Variants in PCSK6 observed in about 807,000 individuals in gnomAD.
PCSK6 encodes the protein proprotein convertase subtilisin/kexin type 6.
A neutral mutation model predicts 123.3 loss-of-function variants in PCSK6; 85 were observed. That is an observed-to-expected ratio of 0.69 (90% CI 0.58 to 0.83). The LOEUF (loss-of-function observed/expected upper bound fraction) is 0.83. Ranked by LOEUF, PCSK6 falls within the 40% of genes least tolerant of loss-of-function variation. The pLI is 0.00. For missense variants in PCSK6, 1,191 were observed against 1,282.3 expected, an observed-to-expected ratio of 0.93 and a Z score of 1.09; for synonymous variants, 508 against 516.0, an observed-to-expected ratio of 0.98 and a Z score of 0.21.
At position 101,489,637 on chromosome 15, in the gene PCSK6, G is replaced by GGGGCCC. The variant is rs2058127836; in HGVS notation, c.28_33dup (p.Gly10_Pro11dup). The GGGGCCC allele has an allele frequency of 6.1e-6, 6 of 975,872 alleles. 1 individual carries two copies. The highest frequency in any genetic ancestry group is 9.3e-5 in the South Asian group (2 of 21,436). The allele number at this position is 975,872 out of a possible 1,614,324, so 60.5% of individuals were successfully genotyped here. A position where few individuals can be genotyped will look rare whatever the true frequency, so the allele number is the denominator to read the frequency against. On this transcript the variant is annotated inframe_insertion, in exon 1 of 22. Transcript: ENST00000611716. Reference sequence around the variant, plus strand: ...GCGGCGGCGGCCCGGGGCGGCGGCCGGGGCCCGGGCGCAGGCGGCGCGCGC... The same window carrying GGGGCCC: ...GCGGCGGCGGCCCGGGGCGGCGGCCGGGGCCCGGGCCCGGGCGCAGGCGGCGCGCGC...
intron 1 of PCSK6, among the ~76,000 whole-genome samples, chr15:101,447,248 G>A (rs528733461): frequency 2.0e-5 from 3 of 152,224 alleles, no homozygotes; most frequent in South Asian, 4.2e-4. Flanking sequence ...ATGGGGAAGG[G>A]GGACAGGATG....
At chr15:101,386,926 G>C (rs1403405419) in intron 9 of PCSK6, among the ~76,000 whole-genome samples, 1 of 152,138 alleles carries the variant, frequency 6.6e-6, no homozygotes, top group Non-Finnish European at 1.5e-5. Context: ...TATGGCGGCT[G>C]CTCTGCACAC....
At chr15:101,356,678 AAAATAAATAAATAAATAAATAAATAAAT>A (rs201547509) in intron 13 of PCSK6, among the ~76,000 whole-genome samples, 1 of 142,888 alleles carries the variant, frequency 7.0e-6, no homozygotes, top group Non-Finnish European at 1.5e-5. Flanking sequence ...AGACTGTCTC[AAAATAAATAAATAAATAAATAAATAAAT>A]AAATAAATAA....
chr15:101,402,937 C>A (rs1046987711), intron 6 of PCSK6, among the ~76,000 whole-genome samples: 1 of 152,086 alleles, frequency 6.6e-6, no homozygotes, highest in Non-Finnish European at 1.5e-5. Flanking sequence ...ACCCAAAGGA[C>A]TATAAATCAT....
chr15:101,413,271 AT>A (rs2055769844), intron 6 of PCSK6, among the ~76,000 whole-genome samples: 1 of 152,204 alleles, frequency 6.6e-6, no homozygotes, highest in Non-Finnish European at 1.5e-5. Flanking sequence ...ATAATGGGAT[AT>A]AAAGGAAGGT....
chr15:101,423,803 C>T (rs2056162706), intron 6 of PCSK6, among the ~76,000 whole-genome samples: 1 of 151,906 alleles, frequency 6.6e-6, no homozygotes, highest in Non-Finnish European at 1.5e-5. Flanking sequence ...TCCAAATTTT[C>T]TTTAAAAAGA....
chr15:101,342,215 GA>G (rs1278477711), intron 13 of PCSK6, among the ~76,000 whole-genome samples: 1 of 143,930 alleles, frequency 6.9e-6, no homozygotes, highest in East Asian at 2.0e-4. Flanking sequence ...AACAAATACA[GA>G]AGTAAAATAT....
intron 11 of PCSK6, among the ~76,000 whole-genome samples, chr15:101,377,551 A>G (rs760601823): frequency 1.3e-5 from 2 of 152,194 alleles, no homozygotes; most frequent in African/African-American, 2.4e-5. Context: ...ATTTTTATAT[A>G]AAGTGCTTAG....
chr15:101,313,680 G>A (rs2039924256), intron 19 of PCSK6, 175 bp from the exon 20 acceptor site: 1 of 843,190 alleles, frequency 1.2e-6, no homozygotes. Context: ...ACTCCCAGGA[G>A]GTGGGCATCG....
chr15:101,327,915 C>T (rs940664485), intron 15 of PCSK6, among the ~76,000 whole-genome samples: 8 of 152,016 alleles, frequency 5.3e-5, no homozygotes, highest in African/African-American at 1.9e-4. Flanking sequence ...CTGGGCGGTG[C>T]TGGTATCCTG....
At chr15:101,379,705 G>A (rs1276172211) in intron 11 of PCSK6, among the ~76,000 whole-genome samples, 2 of 152,220 alleles carry the variant, frequency 1.3e-5, no homozygotes, top group East Asian at 3.8e-4. Flanking sequence ...GTTAGAAGAA[G>A]ACGGGAAAAT....
At chr15:101,488,138 C>T (rs527819179) in intron 1 of PCSK6, among the ~76,000 whole-genome samples, 7 of 152,240 alleles carry the variant, frequency 4.6e-5, no homozygotes, top group South Asian at 4.1e-4. Context: ...CAATCAGGGA[C>T]GCCACCACAC....
At chr15:101,387,205 C>A (rs960381060) in intron 9 of PCSK6, among the ~76,000 whole-genome samples, 3 of 152,238 alleles carry the variant, frequency 2.0e-5, no homozygotes, top group Non-Finnish European at 2.9e-5. Flanking sequence ...CTGCGGCCCA[C>A]ACGCCAACCT....
chr15:101,414,133 T>TG (rs1325765701), intron 6 of PCSK6, among the ~76,000 whole-genome samples: 1 of 152,108 alleles, frequency 6.6e-6, no homozygotes, highest in South Asian at 2.1e-4. Flanking sequence ...CCAAAGACCA[T>TG]GGGGTAATAC....
At chr15:101,419,742 G>T (rs1036793298) in intron 6 of PCSK6, among the ~76,000 whole-genome samples, 1 of 151,574 alleles carries the variant, frequency 6.6e-6, no homozygotes, top group Non-Finnish European at 1.5e-5. Context: ...GGCTTATGAA[G>T]GAACTGACTA....
intron 6 of PCSK6, among the ~76,000 whole-genome samples, chr15:101,410,595 G>A (rs28683643): frequency 6.6e-6 from 1 of 152,142 alleles, no homozygotes; most frequent in Non-Finnish European, 1.5e-5. Flanking sequence ...TGCTTGGAAG[G>A]AATCAGAATT....
intron 2 of PCSK6, among the ~76,000 whole-genome samples, chr15:101,443,122 G>A (rs7176003): frequency 0.62 from 93,933 of 152,108 alleles, 29,636 homozygotes; most frequent in African/African-American, 0.73. Flanking sequence ...CTTTCAAATC[G>A]CATTTGTTTT....
intron 6 of PCSK6, among the ~76,000 whole-genome samples, chr15:101,405,544 C>T (rs1247978394): frequency 6.6e-6 from 1 of 152,166 alleles, no homozygotes; most frequent in Non-Finnish European, 1.5e-5. Context: ...ACAGAAGCTC[C>T]ATCCAGGAAG....
intron 19 of PCSK6, 189 bp from the exon 20 acceptor site, chr15:101,313,694 T>C: frequency 1.4e-6 from 1 of 702,560 alleles, no homozygotes; most frequent in Non-Finnish European, 2.3e-6. Flanking sequence ...GGCATCGCCA[T>C]CACCATTTCA....
Sources: gnomAD v4.1 joint callset for allele counts (sites outside exome capture counted in the v4.1 genomes callset) on GRCh38, gnomAD v4.1.1 for gene constraint, MANE v1.5 for transcripts, NCBI Gene and HGNC (gene_info 2026-07-23, HGNC 2026-07-21) for gene names.